ADCY8: variants seen among roughly 807,000 people sequenced by gnomAD.
ADCY8 encodes adenylate cyclase 8, also known as adenylate cyclase type 8.
In ADCY8, 51 loss-of-function variants were observed where a neutral mutation model predicts 119.7. That is an observed-to-expected ratio of 0.43 (90% CI 0.34 to 0.54). ADCY8 has a LOEUF of 0.54. Ranked by LOEUF, ADCY8 falls within the 20% of genes least tolerant of loss-of-function variation. The probability of loss-of-function intolerance (pLI) is 0.03; values close to 1 mark genes in which losing one functional copy is unlikely to be tolerated. For missense variants in ADCY8, 1,383 were observed against 1,598.8 expected (o/e 0.87, Z 2.30); for synonymous variants, 665 against 651.0 (o/e 1.02, Z -0.33).
intron 7 of ADCY8, among the ~76,000 whole-genome samples, chr8:130,887,391 T>C (rs906647427): frequency 1.3e-5 from 2 of 152,162 alleles, no homozygotes; most frequent in African/African-American, 4.8e-5. Flanking sequence ...TTATAGGTAA[T>C]AGTTGGGAAG....
At chr8:130,873,406 C>T (rs1408375417) in intron 8 of ADCY8, among the ~76,000 whole-genome samples, 1 of 150,978 alleles carries the variant, frequency 6.6e-6, no homozygotes, top group Non-Finnish European at 1.5e-5. Context: ...GCAACCTCCA[C>T]CTTGCAGGTT....
At chr8:130,888,867 C>G (rs1819083983) in intron 7 of ADCY8, among the ~76,000 whole-genome samples, 1 of 152,084 alleles carries the variant, frequency 6.6e-6, no homozygotes, top group Non-Finnish European at 1.5e-5. Flanking sequence ...CATGGATTGT[C>G]ATAAAATTTG....
Position 130,780,307 on chromosome 8 carries a change from TA to T in ADCY8, c.*82del, listed in dbSNP as rs1815029970. ...AAGACCAACGAAACCATCCTTGTTC[TA>T]AAAAAAATTAAACCTTTTTATTAGT... On this transcript the variant is annotated 3_prime_UTR_variant, in exon 18 of 18. Transcript: ENST00000286355. The T allele has an allele frequency of 1.1e-4, 114 of 1,061,694 alleles. No individual in the cohort carries two copies. Among genetic ancestry groups the T allele is most frequent in the South Asian group, 1.9e-4 (4 of 21,438 alleles). The allele number at this position is 1,061,694 out of a possible 1,614,324, so 65.8% of individuals were successfully genotyped here.
In ADCY8 at chr8:131,040,005, G is replaced by T. The variant is rs375176511; in HGVS notation, c.329C>A (p.Pro110Gln). The change falls in exon 1 of 18, where the codon CCG becomes CAG. Residue 110 changes from proline to glutamine, a missense_variant. By Grantham distance (76) the Pro-to-Gln change is moderately conservative. Coordinates refer to ENST00000286355, the MANE Select transcript of ADCY8 (RefSeq NM_001115.3). ...GGCACTGCCGCTCCCGCTGCGTTCC[G>T]GGAAGACTTTGGTGCCGCAGGTGCT... ...AHSTCGTKVFPERSGSGSASG... is the reference protein window; with the variant it reads ...AHSTCGTKVFQERSGSGSASG... 1.0e-4 allele frequency: 158 copies of T among 1,563,356 alleles called. No individual in the cohort carries two copies. The African/African-American group carries it at 1.9e-3, about 19-fold the overall frequency.
At chr8:130,935,252 T>C (rs921249539) in intron 5 of ADCY8, among the ~76,000 whole-genome samples, 4 of 152,276 alleles carry the variant, frequency 2.6e-5, no homozygotes, top group Admixed American at 2.6e-4. Context: ...TCCACTTTGA[T>C]CATCAAGCTG....
chr8:130,862,435 T>C (rs1817965619), intron 9 of ADCY8, among the ~76,000 whole-genome samples: 1 of 152,284 alleles, frequency 6.6e-6, no homozygotes, highest in East Asian at 1.9e-4. Flanking sequence ...TTTGTTTTTT[T>C]AGACCGAGTC....
chr8:130,822,715 A>T (rs1816556682), intron 12 of ADCY8, among the ~76,000 whole-genome samples: 1 of 152,200 alleles, frequency 6.6e-6, no homozygotes. Flanking sequence ...GGACCCCTGA[A>T]AAAAGATTAA....
chr8:130,936,428 G>C (rs533051924), intron 5 of ADCY8, among the ~76,000 whole-genome samples: 1 of 152,276 alleles, frequency 6.6e-6, no homozygotes, highest in South Asian at 2.1e-4. Flanking sequence ...ACATGACTGA[G>C]AAGGTCATAT....
intron 2 of ADCY8, among the ~76,000 whole-genome samples, chr8:130,988,829 G>A (rs945455877): frequency 6.6e-6 from 1 of 152,204 alleles, no homozygotes; most frequent in African/African-American, 2.4e-5. Flanking sequence ...TATGGAGATG[G>A]TAAGGCAATA....
At chr8:130,992,386 T>TATATATTGAGC (rs1412997109) in intron 1 of ADCY8, among the ~76,000 whole-genome samples, 1 of 14,980 alleles carries the variant, frequency 6.7e-5, no homozygotes, top group African/African-American at 3.0e-4. Flanking sequence ...ATCTGGCATA[T>TATATATTGAGC]ATATATATAT....
At chr8:130,984,596 T>C (rs79999204) in intron 2 of ADCY8, among the ~76,000 whole-genome samples, 3,253 of 152,220 alleles carry the variant, frequency 0.021, 138 homozygotes, top group African/African-American at 0.072. Flanking sequence ...TAGTATACAC[T>C]GGTTAGTAAC....
intron 1 of ADCY8, among the ~76,000 whole-genome samples, chr8:130,995,786 C>T (rs1188176803): frequency 6.6e-6 from 1 of 152,154 alleles, no homozygotes; most frequent in Non-Finnish European, 1.5e-5. Context: ...TTTATTCCTG[C>T]ACCCTGTGAA....
At chr8:130,924,489 CA>C (rs1820403834) in intron 5 of ADCY8, among the ~76,000 whole-genome samples, 2 of 152,166 alleles carry the variant, frequency 1.3e-5, no homozygotes, top group African/African-American at 4.8e-5. Context: ...ATACTTTTTA[CA>C]AATGGTAGTT....
At chr8:131,009,442 G>C (rs947728807) in intron 1 of ADCY8, among the ~76,000 whole-genome samples, 1 of 152,170 alleles carries the variant, frequency 6.6e-6, no homozygotes, top group Non-Finnish European at 1.5e-5. Flanking sequence ...GAGTCCTCAG[G>C]ACATCTGATG....
chr8:130,851,045 C>G (rs1260870684), intron 9 of ADCY8, among the ~76,000 whole-genome samples: 1 of 152,164 alleles, frequency 6.6e-6, no homozygotes, highest in Non-Finnish European at 1.5e-5. Flanking sequence ...TTAAAGTCCA[C>G]TCTGTTATAC....
At chr8:130,964,459 A>G (rs1821701057) in intron 2 of ADCY8, among the ~76,000 whole-genome samples, 1 of 152,264 alleles carries the variant, frequency 6.6e-6, no homozygotes, top group Non-Finnish European at 1.5e-5. Flanking sequence ...TATTAAATAA[A>G]AGACTAAGTA....
At chr8:130,845,222 C>A (rs1817260877) in intron 11 of ADCY8, among the ~76,000 whole-genome samples, 1 of 152,072 alleles carries the variant, frequency 6.6e-6, no homozygotes, top group African/African-American at 2.4e-5. Context: ...GTGCTGTGGT[C>A]TTGTGTTTGG....
At chr8:130,900,829 T>A (rs1373815414) in intron 7 of ADCY8, among the ~76,000 whole-genome samples, 2 of 152,196 alleles carry the variant, frequency 1.3e-5, no homozygotes, top group African/African-American at 2.4e-5. Context: ...AATACCAAAT[T>A]CACATCCCTT....
chr8:130,965,987 G>A (rs994335014), intron 2 of ADCY8, among the ~76,000 whole-genome samples: 49 of 152,142 alleles, frequency 3.2e-4, no homozygotes, highest in Non-Finnish European at 1.2e-4. Context: ...CACAAGCTTA[G>A]TAAAAAAGAA....
Sources: gnomAD v4.1 joint callset for allele counts (sites outside exome capture counted in the v4.1 genomes callset) on GRCh38, gnomAD v4.1.1 for gene constraint, MANE v1.5 for transcripts, NCBI Gene and HGNC (gene_info 2026-07-23, HGNC 2026-07-21) for gene names.